The following MYO3A variants were observed in gnomAD, a reference collection of about 807,000 sequenced individuals.
MYO3A encodes myosin-IIIa.
In MYO3A, 180 loss-of-function variants were observed where a neutral mutation model predicts 192.7. The ratio of observed to expected loss-of-function variants is 0.93; its 90% CI spans 0.83 to 1.06. MYO3A has a LOEUF of 1.06. Ranked by LOEUF, MYO3A falls within the 50% of genes least tolerant of loss-of-function variation. MYO3A has a pLI of 0.00. For synonymous variants in MYO3A, 628 were observed against 645.3 expected (o/e 0.97, Z 0.41); for missense variants, 1,896 against 1,905.0 (o/e 1.00, Z 0.09).
intron 28 of MYO3A, 107 bp downstream of exon 28, chr10:26,168,981 G>C (rs1841907391): frequency 3.7e-6 from 4 of 1,089,714 alleles, no homozygotes; most frequent in Non-Finnish European, 5.3e-6. Flanking sequence ...ATTCCAGACT[G>C]TGTTGCCTTG....
At chr10:26,023,684 G>A (rs1842417567) in intron 8 of MYO3A, among the ~76,000 whole-genome samples, 1 of 151,750 alleles carries the variant, frequency 6.6e-6, no homozygotes, top group Non-Finnish European at 1.5e-5. Flanking sequence ...GGACTCATAG[G>A]AAAAAAATAC....
At chr10:26,104,446 A>T (rs537403868) in intron 17 of MYO3A, among the ~76,000 whole-genome samples, 2 of 152,222 alleles carry the variant, frequency 1.3e-5, no homozygotes, top group East Asian at 3.9e-4. Flanking sequence ...TGGAAAGATT[A>T]TCCTTTCCCC....
intron 34 of MYO3A, among the ~76,000 whole-genome samples, chr10:26,204,689 T>C (rs1433643960): frequency 3.9e-5 from 6 of 152,196 alleles, no homozygotes; most frequent in Non-Finnish European, 5.9e-5. Flanking sequence ...AAGTTTAGAG[T>C]TGATGGCCTT....
At chr10:26,171,638 G>T (rs1269803740) in intron 29 of MYO3A, among the ~76,000 whole-genome samples, 1 of 152,162 alleles carries the variant, frequency 6.6e-6, no homozygotes, top group Non-Finnish European at 1.5e-5. Context: ...GTCTTTGCTT[G>T]TGAGGATCCA....
chr10:26,027,283 GA>G lies in MYO3A; in HGVS notation c.953+756del, dbSNP rs768616885. 2.9e-4 allele frequency among the ~76,000 whole-genome samples: 44 copies of G among 152,120 alleles called. No individual in the cohort carries two copies. The Middle Eastern group carries it at 0.01, about 35-fold the overall frequency. On this transcript the variant is annotated intron_variant, in intron 10 of 34. Coordinates refer to ENST00000642920, the MANE Select transcript of MYO3A (RefSeq NM_017433.5). ...AAAAGTCACAGAGAAATATACAATGGAAAAATAATCAAGTATAACATTTTAA... is the reference window on the plus strand; with the variant it reads ...AAAAGTCACAGAGAAATATACAATGGAAAATAATCAAGTATAACATTTTAA...
intron 17 of MYO3A, among the ~76,000 whole-genome samples, chr10:26,102,915 C>G (rs1350091199): frequency 2.0e-5 from 3 of 152,110 alleles, no homozygotes; most frequent in African/African-American, 7.3e-5. Flanking sequence ...AGAACCACTA[C>G]TCTCTTCAAA....
At chr10:26,157,840 G>A (rs899589726) in intron 26 of MYO3A, among the ~76,000 whole-genome samples, 4 of 152,176 alleles carry the variant, frequency 2.6e-5, no homozygotes, top group Non-Finnish European at 5.9e-5. Flanking sequence ...TCAGCTGGGA[G>A]AGATTTTGCC....
chr10:26,039,334 A>G (rs1408992390), intron 10 of MYO3A, among the ~76,000 whole-genome samples: 1 of 149,576 alleles, frequency 6.7e-6, no homozygotes, highest in African/African-American at 2.5e-5. Flanking sequence ...TGCTGGGATT[A>G]CAAAATGTGT....
Position 26,146,755 on chromosome 10 carries a change from C to T in MYO3A, c.2506-675C>T, listed in dbSNP as rs953176051. ...TGAATTTTAGAAGAACACAATTTGA[C>T]CCATAACAAATACTATATTGGATCA... On this transcript the variant is annotated intron_variant, in intron 22 of 34. Transcript: ENST00000642920. 1.5e-4 allele frequency among the ~76,000 whole-genome samples: 23 copies of T among 152,148 alleles called. 1 individual carries two copies. The highest frequency in any genetic ancestry group is 1.2e-4 in the Non-Finnish European group (8 of 68,018).
At chr10:26,093,269 C>T (rs1456544821) in intron 15 of MYO3A, among the ~76,000 whole-genome samples, 1 of 152,146 alleles carries the variant, frequency 6.6e-6, no homozygotes, top group African/African-American at 2.4e-5. Flanking sequence ...TTAACTGATA[C>T]AATGTACATG....
chr10:26,198,806 A>G (rs1344149880), intron 32 of MYO3A, among the ~76,000 whole-genome samples: 2 of 152,182 alleles, frequency 1.3e-5, no homozygotes, highest in Admixed American at 6.5e-5. Context: ...TACGTGAGTC[A>G]TGTTTGTCTC....
chr10:26,024,644 G>A (rs911630498), intron 9 of MYO3A, among the ~76,000 whole-genome samples: 2 of 152,152 alleles, frequency 1.3e-5, no homozygotes, highest in Non-Finnish European at 2.9e-5. Context: ...TTCAGGACCT[G>A]TTATAAGGCA....
chr10:26,016,179 A>G (rs554227098), intron 6 of MYO3A, among the ~76,000 whole-genome samples: 1 of 152,226 alleles, frequency 6.6e-6, no homozygotes, highest in South Asian at 2.1e-4. Flanking sequence ...ATGGAATGAC[A>G]TGACTGAAAT....
intron 4 of MYO3A, among the ~76,000 whole-genome samples, chr10:25,994,799 G>A (rs1012568876): frequency 6.6e-6 from 1 of 152,134 alleles, no homozygotes; most frequent in African/African-American, 2.4e-5. Context: ...GAAATTCTGG[G>A]TTGAAAATTC....
intron 10 of MYO3A, among the ~76,000 whole-genome samples, chr10:26,032,421 C>A (rs939476035): frequency 1.3e-5 from 2 of 152,128 alleles, no homozygotes; most frequent in African/African-American, 4.8e-5. Context: ...TCGAGACCAG[C>A]CTGGCCAACA....
chr10:26,067,137 C>G (rs3824695), intron 11 of MYO3A, 63 bp downstream of exon 11: 2 of 1,085,140 alleles, frequency 1.8e-6, no homozygotes, highest in Admixed American at 1.7e-5. Context: ...ATAGAAGACA[C>G]GGGTATTGGT....
At chr10:26,207,221 G>A (rs568575032) in intron 34 of MYO3A, among the ~76,000 whole-genome samples, 6 of 151,986 alleles carry the variant, frequency 3.9e-5, no homozygotes, top group African/African-American at 7.2e-5. Context: ...TTTTTAGTTT[G>A]ATGTAATCCC....
At chr10:26,188,619 G>A (rs981102997) in intron 31 of MYO3A, among the ~76,000 whole-genome samples, 2 of 152,108 alleles carry the variant, frequency 1.3e-5, no homozygotes, top group African/African-American at 2.4e-5. Context: ...TATGGTTTTA[G>A]GTCTAACATT....
In MYO3A at chr10:26,176,805, G is replaced by A; in HGVS notation, c.4398G>A (p.Lys1466=). The A allele has an allele frequency of 1.2e-6, 2 of 1,614,136 alleles. No homozygotes were observed. The highest frequency in any genetic ancestry group is 1.7e-6 in the Non-Finnish European group (2 of 1,180,014). Residue 1466 remains lysine (K), a synonymous_variant, in exon 31 of 35, where the codon AAG becomes AAA. Coordinates refer to ENST00000642920, the MANE Select transcript of MYO3A (RefSeq NM_017433.5). ...KSLYLGVSHH[K]PINRRVSSQQ... Reference sequence around the variant, plus strand: ...TTTATCTGGGTGTCTCGCACCATAAGCCAATTAATAGACGAGTTTCTTCTC... The same window carrying A: ...TTTATCTGGGTGTCTCGCACCATAAACCAATTAATAGACGAGTTTCTTCTC...
Sources: allele counts gnomAD v4.1 joint callset (sites outside exome capture counted in the v4.1 genomes callset), GRCh38; gene constraint gnomAD v4.1.1; transcripts MANE v1.5; gene names NCBI Gene and HGNC (gene_info 2026-07-23, HGNC 2026-07-21).